HDGF: variants seen among roughly 807,000 people sequenced by gnomAD.
The protein encoded by HDGF is heparin binding growth factor.
In HDGF, 5 loss-of-function variants were observed where a neutral mutation model predicts 30.0. The observed-to-expected ratio is 0.17, with a 90% confidence interval of 0.09 to 0.35. The LOEUF (loss-of-function observed/expected upper bound fraction) is 0.35, where lower values mean the gene tolerates loss of function less well. HDGF is among the 10% of genes least tolerant of loss of function. The probability of loss-of-function intolerance (pLI) is 1.00; values close to 1 mark genes in which losing one functional copy is unlikely to be tolerated. For synonymous variants in HDGF, 133 were observed against 112.7 expected, an observed-to-expected ratio of 1.18 and a Z score of -1.14; for missense variants, 214 against 302.8, an observed-to-expected ratio of 0.71 and a Z score of 2.18.
At position 156,751,096 on chromosome 1, in the gene HDGF, G is replaced by C. The variant is rs1164008496; in HGVS notation, c.87+247C>G. On this transcript the variant is annotated intron_variant, in intron 1 of 5. Coordinates refer to ENST00000357325, the MANE Select transcript of HDGF (RefSeq NM_004494.3). This position sits in a 1 kb window ranked among gnomAD's most constrained non-coding sequence, Gnocchi z 4.7. ...GGCCGGGAAGTGACCGGCGCCCTCGGATCCCCACGCCGTGAACACGCCACT... is the reference window on the plus strand; with the variant it reads ...GGCCGGGAAGTGACCGGCGCCCTCGCATCCCCACGCCGTGAACACGCCACT... Among the ~76,000 whole-genome samples, 1 of 152,270 alleles carries C rather than the reference G, an allele frequency of 6.6e-6. No homozygotes were observed. Among genetic ancestry groups the C allele is most frequent in the East Asian group, 1.9e-4 (1 of 5,164 alleles).
intron 3 of HDGF, chr1:156,744,709 G>T (rs952791492): frequency 1.6e-4 from 98 of 597,520 alleles, no homozygotes; most frequent in Non-Finnish European, 2.5e-4. Context: ...TTTGTGGAAA[G>T]AGTTAAGGCT....
chr1:156,750,061 ATG>A (rs1382202836), intron 1 of HDGF, among the ~76,000 whole-genome samples: 1 of 152,178 alleles, frequency 6.6e-6, no homozygotes, highest in African/African-American at 2.4e-5. Flanking sequence ...AGCTCAAGGC[ATG>A]TGGGATTAGG....
upstream of HDGF, chr1:156,752,072 T>C (rs763582927): frequency 6.4e-6 from 10 of 1,551,574 alleles, no homozygotes; most frequent in South Asian, 8.3e-5. Flanking sequence ...TGTGGACGTC[T>C]GTACACGGTT....
At chr1:156,765,053 T>G (rs1651328722) in intron 1 of HDGF, among the ~76,000 whole-genome samples, 1 of 151,782 alleles carries the variant, frequency 6.6e-6, no homozygotes, top group Non-Finnish European at 1.5e-5. Context: ...CTCACAGAAG[T>G]AGGACAGGGC....
chr1:156,743,215 A>G lies in HDGF; in HGVS notation c.*234T>C, dbSNP rs568589896. ...GGCCTCAACTCATTCCAGGGAGAAG[A>G]CATGGCTCTGACTCAGATCATAGGA... On this transcript the variant is annotated 3_prime_UTR_variant, in exon 6 of 6. Coordinates refer to ENST00000357325, the MANE Select transcript of HDGF (RefSeq NM_004494.3). The G allele has an allele frequency of 4.7e-5, 21 of 451,488 alleles. No individual in the cohort carries two copies. The Admixed American group carries it at 6.2e-4, about 13-fold the overall frequency. The allele number at this position is 451,488 out of a possible 1,614,324, so 28.0% of individuals were successfully genotyped here. A position where few individuals can be genotyped will look rare whatever the true frequency, so the allele number is the denominator to read the frequency against.
rs537598695 is a variant in HDGF at position 156,758,154 on chromosome 1, T to C, written n.373+829A>G. On this transcript the variant is annotated intron_variant and non_coding_transcript_variant, in intron 2 of 7. Coordinates refer to the HDGF transcript ENST00000465180. The stretch of plus-strand genomic sequence containing the variant: ...CTCTACTAAAAATTCAAAAATTAGC[T>C]GGGCGTGGTGGCGCACATCTGTAAT... 8.8e-4 allele frequency among the ~76,000 whole-genome samples: 133 copies of C among 151,844 alleles called. 2 individuals carry two copies. The South Asian group carries it at 0.027, about 30-fold the overall frequency.
At chr1:156,760,346 AG>A (rs1158189442) in intron 1 of HDGF, among the ~76,000 whole-genome samples, 1 of 151,918 alleles carries the variant, frequency 6.6e-6, no homozygotes, top group Non-Finnish European at 1.5e-5. Context: ...CGTGTGGGTG[AG>A]GGGGGGCCAA....
At chr1:156,759,722 C>T (rs936866347) in intron 1 of HDGF, among the ~76,000 whole-genome samples, 2 of 152,042 alleles carry the variant, frequency 1.3e-5, no homozygotes, top group Admixed American at 6.6e-5. Flanking sequence ...CCTTGTGATC[C>T]GCCCACCTCA....
chr1:156,744,221 G>A lies in HDGF; in HGVS notation c.431C>T (p.Pro144Leu). Residue 144 changes from proline to leucine, a missense_variant, in exon 4 of 6, where the codon CCA becomes CTA. Coordinates refer to ENST00000357325, the MANE Select transcript of HDGF (RefSeq NM_004494.3). ...TCCTTTCTCGTTCTTCTCCTTGGCTGGCTCATCAATGACCAGCTTCCCTTC... is the reference window on the plus strand; with the variant it reads ...TCCTTTCTCGTTCTTCTCCTTGGCTAGCTCATCAATGACCAGCTTCCCTTC... ...DEEGKLVIDE[P>L]AKEKNEKGAL... 2 of 1,614,092 alleles carry A rather than the reference G, an allele frequency of 1.2e-6. No individual in the cohort carries two copies. The highest frequency in any genetic ancestry group is 1.7e-6 in the Non-Finnish European group (2 of 1,180,014).
At chr1:156,758,525 G>A (rs12566986) in intron 2 of HDGF, among the ~76,000 whole-genome samples, 39,553 of 145,118 alleles carry the variant, frequency 0.27, 6,791 homozygotes, top group East Asian at 0.72. Context: ...CCCAGGAGGC[G>A]GAGCTTGCAG....
chr1:156,756,067 A>G (rs1420043694), upstream of HDGF, among the ~76,000 whole-genome samples: 1 of 152,226 alleles, frequency 6.6e-6, no homozygotes, highest in Non-Finnish European at 1.5e-5. Flanking sequence ...CCTAGCCAAC[A>G]TGGGGAAACC....
intron 1 of HDGF, among the ~76,000 whole-genome samples, chr1:156,761,799 T>A (rs539170917): frequency 2.3e-4 from 34 of 149,624 alleles, no homozygotes; most frequent in African/African-American, 8.4e-4. Flanking sequence ...ATACAAAAAT[T>A]AGCCGGGCGT....
intron 2 of HDGF, 62 bp from the exon 3 acceptor site, chr1:156,745,208 G>A: frequency 6.2e-7 from 1 of 1,610,468 alleles, no homozygotes; most frequent in South Asian, 1.1e-5. Flanking sequence ...GCACAGCCCG[G>A]CATGAAAGGG....
intron 2 of HDGF, among the ~76,000 whole-genome samples, chr1:156,758,167 G>T (rs541779793): frequency 6.6e-6 from 1 of 152,060 alleles, no homozygotes; most frequent in Non-Finnish European, 1.5e-5. Context: ...GCGTGGTGGC[G>T]CACATCTGTA....
chr1:156,766,383 CAG>C (rs1216426842), intron 1 of HDGF, among the ~76,000 whole-genome samples: 1 of 152,122 alleles, frequency 6.6e-6, no homozygotes, highest in Non-Finnish European at 1.5e-5. Context: ...GGTGCCCACA[CAG>C]AGATGAATTA....
chr1:156,743,618 G>T, intron 5 of HDGF, 34 bp downstream of exon 5: 1 of 1,571,994 alleles, frequency 6.4e-7, no homozygotes, highest in Non-Finnish European at 8.8e-7. Context: ...GTCCCCCCTA[G>T]TCCAGCTGCC....
At chr1:156,744,130 G>T (rs762829794) in intron 4 of HDGF, 33 bp downstream of exon 4, 2 of 1,603,876 alleles carry the variant, frequency 1.2e-6, no homozygotes, top group Non-Finnish European at 1.7e-6. Flanking sequence ...GGAATGTTGA[G>T]GGGGGCCCAG....
chr1:156,755,968 G>C (rs1194048736), upstream of HDGF, among the ~76,000 whole-genome samples: 5 of 152,202 alleles, frequency 3.3e-5, no homozygotes, highest in Admixed American at 2.0e-4. Context: ...AAGTTCTTTA[G>C]GCCAGGGCGA....
At chr1:156,763,537 T>A (rs901572102) in intron 1 of HDGF, among the ~76,000 whole-genome samples, 2 of 151,930 alleles carry the variant, frequency 1.3e-5, no homozygotes, top group Non-Finnish European at 2.9e-5. Context: ...ACTGGAAAAC[T>A]TTTATTATGA....
Sources: allele counts gnomAD v4.1 joint callset (sites outside exome capture counted in the v4.1 genomes callset), GRCh38; gene constraint gnomAD v4.1.1; non-coding constraint Gnocchi (gnomAD v3.1); transcripts MANE v1.5; gene names NCBI Gene and HGNC (gene_info 2026-07-23, HGNC 2026-07-21).